PRKAR1B: variants seen among roughly 807,000 people sequenced by gnomAD.
The protein encoded by PRKAR1B is cAMP-dependent protein kinase type I-beta regulatory subunit.
Under a neutral mutation model 46.5 loss-of-function variants are expected in PRKAR1B, and 22 were observed. That is an observed-to-expected ratio of 0.47 (90% CI 0.34 to 0.68). The LOEUF is 0.68. Ranked by LOEUF, PRKAR1B falls within the 30% of genes least tolerant of loss-of-function variation. The pLI, the probability that PRKAR1B is intolerant of heterozygous loss-of-function variation, is 0.01. For missense variants in PRKAR1B, 445 were observed against 535.6 expected, an observed-to-expected ratio of 0.83 and a Z score of 1.67; for synonymous variants, 259 against 217.7, an observed-to-expected ratio of 1.19 and a Z score of -1.67.
At chr7:569,396 C>A (rs1206039680) in intron 9 of PRKAR1B, among the ~76,000 whole-genome samples, 1 of 152,216 alleles carries the variant, frequency 6.6e-6, no homozygotes, top group Non-Finnish European at 1.5e-5. Context: ...CCCCTGGAGC[C>A]ATCTCACAGT....
chr7:671,392 A>G (rs1203475829), intron 4 of PRKAR1B, among the ~76,000 whole-genome samples: 1 of 152,238 alleles, frequency 6.6e-6, no homozygotes, highest in African/African-American at 2.4e-5. Flanking sequence ...AGTTCCAAGA[A>G]GCACCAGAAC....
At chr7:590,885 C>T (rs1407214834) in intron 7 of PRKAR1B, among the ~76,000 whole-genome samples, 4 of 152,158 alleles carry the variant, frequency 2.6e-5, no homozygotes, top group Admixed American at 6.5e-5. Context: ...AGCCCAGGCC[C>T]GTCGGCAGCA....
At chr7:555,833 C>T (rs1778392434) in intron 9 of PRKAR1B, among the ~76,000 whole-genome samples, 1 of 152,202 alleles carries the variant, frequency 6.6e-6, no homozygotes, top group Non-Finnish European at 1.5e-5. Context: ...GCACACCTGG[C>T]TCACAGGCCC....
chr7:583,546 C>CACTCACACCCACG (rs1562537520), intron 8 of PRKAR1B, among the ~76,000 whole-genome samples: 75 of 120,212 alleles, frequency 6.2e-4, no homozygotes, highest in African/African-American at 2.1e-3. Flanking sequence ...CACACACGTG[C>CACTCACACCCACG]CAAACACATG....
intron 9 of PRKAR1B, among the ~76,000 whole-genome samples, chr7:573,488 G>C (rs528110580): frequency 1.6e-4 from 25 of 152,086 alleles, no homozygotes; most frequent in African/African-American, 4.8e-4. Flanking sequence ...CTGCGGAGGG[G>C]CAGCCAGCAT....
chr7:677,282 G>C lies in PRKAR1B; in HGVS notation c.387C>G (p.Ala129=). Reference sequence around the variant, plus strand: ...AGAGCACGTTCTTGGAGATGGCCTTGGCCAGCGCAGTCATGGTTTTGTAGT... The same window carrying C: ...AGAGCACGTTCTTGGAGATGGCCTTCGCCAGCGCAGTCATGGTTTTGTAGT... ...PKDYKTMTAL[A]KAISKNVLFA... The change falls in exon 4 of 11, where the codon GCC becomes GCG. Residue 129 remains alanine (A), a synonymous_variant. Transcript: ENST00000537384. The C allele has an allele frequency of 6.2e-7, 1 of 1,614,252 alleles. No homozygotes were observed. The highest frequency in any genetic ancestry group is 8.5e-7 in the Non-Finnish European group (1 of 1,180,044).
At chr7:657,302 T>C (rs1785262746) in intron 4 of PRKAR1B, among the ~76,000 whole-genome samples, 1 of 151,762 alleles carries the variant, frequency 6.6e-6, no homozygotes, top group Non-Finnish European at 1.5e-5. Flanking sequence ...GATGGATGGA[T>C]GAATGAATGA....
At chr7:691,980 C>T (rs1016048207) in intron 2 of PRKAR1B, among the ~76,000 whole-genome samples, 1 of 152,200 alleles carries the variant, frequency 6.6e-6, no homozygotes, top group African/African-American at 2.4e-5. Flanking sequence ...TGAGACGCTG[C>T]AAATACTTTC....
chr7:725,862 A>C (rs1357294424), intron 1 of PRKAR1B, among the ~76,000 whole-genome samples: 3 of 152,130 alleles, frequency 2.0e-5, no homozygotes, highest in Non-Finnish European at 4.4e-5. Context: ...CACACCACTA[A>C]TCTGGCTCAA....
chr7:629,065 C>T lies in PRKAR1B; in HGVS notation c.441-21613G>A, dbSNP rs550509645. ...CATTACAGCCGATGGTGACAGAGCCCGCTCCGTGCAGAAGATGAGAAGCCC... is the reference window on the plus strand; with the variant it reads ...CATTACAGCCGATGGTGACAGAGCCTGCTCCGTGCAGAAGATGAGAAGCCC... On this transcript the variant is annotated intron_variant, in intron 4 of 10. Transcript: ENST00000537384. 4.8e-4 allele frequency among the ~76,000 whole-genome samples: 73 copies of T among 152,328 alleles called. 1 individual carries two copies. Among genetic ancestry groups the T allele is most frequent in the Non-Finnish European group, 2.8e-4 (19 of 68,040 alleles).
At chr7:617,174 A>G (rs1782868984) in intron 4 of PRKAR1B, among the ~76,000 whole-genome samples, 1 of 151,916 alleles carries the variant, frequency 6.6e-6, no homozygotes. Flanking sequence ...TTGTGTTTTC[A>G]GTAGAGACAG....
At chr7:582,828 G>A (rs898387468) in intron 8 of PRKAR1B, among the ~76,000 whole-genome samples, 2 of 152,264 alleles carry the variant, frequency 1.3e-5, no homozygotes, top group Non-Finnish European at 2.9e-5. Context: ...CGCCCAGACG[G>A]GCGGCAGAGG....
chr7:656,425 A>T (rs1785192967), intron 4 of PRKAR1B, among the ~76,000 whole-genome samples: 1 of 152,192 alleles, frequency 6.6e-6, no homozygotes, highest in Non-Finnish European at 1.5e-5. Flanking sequence ...GGATAGATAA[A>T]TGAATGGATA....
chr7:639,154 T>C (rs1197003661), intron 4 of PRKAR1B, among the ~76,000 whole-genome samples: 1 of 152,092 alleles, frequency 6.6e-6, no homozygotes, highest in Admixed American at 6.6e-5. Flanking sequence ...CGAGACAGTT[T>C]TGAAAAGGAA....
At chr7:605,201 C>T (rs900233433) in intron 6 of PRKAR1B, among the ~76,000 whole-genome samples, 2 of 152,236 alleles carry the variant, frequency 1.3e-5, no homozygotes, top group African/African-American at 4.8e-5. Flanking sequence ...AGGCGGATTC[C>T]AGGAACCGAG....
intron 8 of PRKAR1B, among the ~76,000 whole-genome samples, chr7:581,504 G>A (rs1780183952): frequency 6.6e-6 from 1 of 152,110 alleles, no homozygotes; most frequent in Non-Finnish European, 1.5e-5. Flanking sequence ...TTCTTTACTG[G>A]TTTCCTTACA....
At chr7:682,927 C>T (rs1357817620) in intron 2 of PRKAR1B, among the ~76,000 whole-genome samples, 3 of 152,144 alleles carry the variant, frequency 2.0e-5, no homozygotes, top group Non-Finnish European at 4.4e-5. Flanking sequence ...GCACACAAGG[C>T]CCTCGCTCTC....
At position 662,613 on chromosome 7, in the gene PRKAR1B, C is replaced by A. The variant is rs575585933; in HGVS notation, c.440+14616G>T. 3.3e-5 allele frequency among the ~76,000 whole-genome samples: 5 copies of A among 149,664 alleles called. No individual in the cohort carries two copies. The East Asian group carries it at 1.0e-3, about 30-fold the overall frequency. ...CCCATAGCACAAGTCCCCACCCCAA[C>A]AGATCCAAACACCTACTCTCCCCGC... On this transcript the variant is annotated intron_variant, in intron 4 of 10. Coordinates refer to ENST00000537384, the MANE Select transcript of PRKAR1B (RefSeq NM_001164760.2).
At chr7:703,620 C>T (rs1026417002) in intron 2 of PRKAR1B, among the ~76,000 whole-genome samples, 3 of 150,250 alleles carry the variant, frequency 2.0e-5, no homozygotes, top group Non-Finnish European at 4.4e-5. Flanking sequence ...CACGTCACTG[C>T]ACTCCAGCCT....
Sources: allele counts gnomAD v4.1 joint callset (sites outside exome capture counted in the v4.1 genomes callset), GRCh38; gene constraint gnomAD v4.1.1; transcripts MANE v1.5; gene names NCBI Gene and HGNC (gene_info 2026-07-23, HGNC 2026-07-21).